The following DIAPH2 variants were observed in gnomAD, a reference collection of about 807,000 sequenced individuals.
DIAPH2 encodes the protein diaphanous related formin 2.
In DIAPH2, 35 loss-of-function variants were observed where a neutral mutation model predicts 92.7. That is an observed-to-expected ratio of 0.38 (90% confidence interval 0.29 to 0.50). The LOEUF is 0.50. Among genes scored for constraint, DIAPH2 ranks in the 20% least tolerant of loss-of-function variants. The pLI is 0.94. For synonymous variants in DIAPH2, 301 were observed against 280.4 expected (o/e 1.07, Z -0.73); for missense variants, 701 against 819.5 (o/e 0.86, Z 1.77).
intron 22 of DIAPH2, among the ~76,000 whole-genome samples, chrX:97,156,835 C>T (rs1398760927): frequency 9.0e-6 from 1 of 111,391 alleles, no homozygotes; most frequent in Non-Finnish European, 1.9e-5. Flanking sequence ...CTAGTATCAG[C>T]AGTGTCATAC....
intron 22 of DIAPH2, among the ~76,000 whole-genome samples, chrX:97,234,350 A>G (rs1215020544): frequency 9.7e-6 from 1 of 103,569 alleles, no homozygotes; most frequent in Non-Finnish European, 2.0e-5. Context: ...AAAAAAAAAG[A>G]AAAAAAGAAA....
At chrX:96,976,340 T>A (rs2065961939) in intron 17 of DIAPH2, among the ~76,000 whole-genome samples, 1 of 110,080 alleles carries the variant, frequency 9.1e-6, no homozygotes, top group African/African-American at 3.3e-5. Flanking sequence ...CAGGGTGATC[T>A]CAAACTTCTG....
At chrX:97,196,193 G>A (rs2067701779) in intron 22 of DIAPH2, among the ~76,000 whole-genome samples, 1 of 99,766 alleles carries the variant, frequency 1.0e-5, no homozygotes, top group Non-Finnish European at 2.0e-5. Flanking sequence ...CAGAGTTGTA[G>A]TGATACACAT....
chrX:97,225,602 A>G (rs1337374644), intron 22 of DIAPH2, among the ~76,000 whole-genome samples: 1 of 111,650 alleles, frequency 9.0e-6, no homozygotes, highest in Admixed American at 9.5e-5. Flanking sequence ...CTGCTCACTC[A>G]TATCCACTAG....
chrX:97,223,973 C>T (rs2067946070), intron 22 of DIAPH2, among the ~76,000 whole-genome samples: 1 of 111,572 alleles, frequency 9.0e-6, no homozygotes. Context: ...GTAGCATGTA[C>T]TCAGAAAAAG....
At chrX:96,811,019 T>C (rs1341449472) in intron 4 of DIAPH2, among the ~76,000 whole-genome samples, 1 of 111,946 alleles carries the variant, frequency 8.9e-6, no homozygotes. Context: ...TTTGGTTCCA[T>C]ATGAACTTTA....
intron 23 of DIAPH2, among the ~76,000 whole-genome samples, chrX:97,275,918 A>G (rs1204742285): frequency 8.9e-6 from 1 of 112,466 alleles, no homozygotes; most frequent in Non-Finnish European, 1.9e-5. Context: ...TTGGGAGGCC[A>G]AGGCAGGCGG....
chrX:97,544,857 CTT>C (rs944339795), intron 26 of DIAPH2, among the ~76,000 whole-genome samples: 5 of 111,595 alleles, frequency 4.5e-5, no homozygotes, highest in African/African-American at 1.6e-4. Flanking sequence ...AAAAAGTAAA[CTT>C]TTTTTAATGC....
chrX:97,211,842 G>C (rs1297534844), intron 22 of DIAPH2, among the ~76,000 whole-genome samples: 1 of 111,736 alleles, frequency 8.9e-6, no homozygotes, highest in East Asian at 2.8e-4. Flanking sequence ...GGGTTCGAAG[G>C]TTCTCACTTT....
intron 4 of DIAPH2, among the ~76,000 whole-genome samples, chrX:96,817,819 A>G (rs185326446): frequency 9.2e-6 from 1 of 108,512 alleles, no homozygotes; most frequent in African/African-American, 3.4e-5. Context: ...CCCCCCAATC[A>G]CATTGGGGGT....
At chrX:97,199,394 A>G (rs1488235345) in intron 22 of DIAPH2, among the ~76,000 whole-genome samples, 1 of 111,334 alleles carries the variant, frequency 9.0e-6, no homozygotes, top group Non-Finnish European at 1.9e-5. Context: ...ATGTATATGT[A>G]TATGTGTGTA....
At chrX:97,482,903 A>T (rs2070661230) in intron 26 of DIAPH2, among the ~76,000 whole-genome samples, 1 of 111,567 alleles carries the variant, frequency 9.0e-6, no homozygotes, top group Admixed American at 9.6e-5. Context: ...AGTTTTTAAG[A>T]GCAGAAAAAC....
chrX:97,526,322 G>A (rs192095529), intron 26 of DIAPH2, among the ~76,000 whole-genome samples: 268 of 111,202 alleles, frequency 2.4e-3, no homozygotes, highest in Non-Finnish European at 4.4e-3. Flanking sequence ...AGGTTGCTTC[G>A]AATGGTTATC....
intron 4 of DIAPH2, among the ~76,000 whole-genome samples, chrX:96,844,472 T>G (rs2064957802): frequency 8.9e-6 from 1 of 112,704 alleles, no homozygotes; most frequent in Admixed American, 9.4e-5. Context: ...TTAATATTCT[T>G]TACTAAGTCA....
chrX:97,334,472 A>ACAAAAAC (rs1556028858), intron 23 of DIAPH2, among the ~76,000 whole-genome samples: 7 of 84,445 alleles, frequency 8.3e-5, no homozygotes, highest in Admixed American at 1.5e-4. Context: ...CAAAAAAAAA[A>ACAAAAAC]AAAAAACAAA....
At chrX:97,139,363 T>A (rs2067194271) in intron 21 of DIAPH2, among the ~76,000 whole-genome samples, 1 of 107,922 alleles carries the variant, frequency 9.3e-6, no homozygotes, top group Admixed American at 1.0e-4. Context: ...CTAAGGCCTC[T>A]CACACATAGA....
At chrX:96,981,475 T>C in intron 17 of DIAPH2, among the ~76,000 whole-genome samples, 1 of 112,292 alleles carries the variant, frequency 8.9e-6, no homozygotes, top group African/African-American at 3.2e-5. Flanking sequence ...AAGATAAATA[T>C]ATATCACAGA....
intron 4 of DIAPH2, among the ~76,000 whole-genome samples, chrX:96,815,563 A>G (rs1027698269): frequency 1.8e-5 from 2 of 112,197 alleles, no homozygotes; most frequent in African/African-American, 6.5e-5. Context: ...AATGAGATGA[A>G]CCAGGTACCT....
intron 25 of DIAPH2, among the ~76,000 whole-genome samples, chrX:97,422,888 C>A (rs1227077449): frequency 8.9e-6 from 1 of 112,148 alleles, no homozygotes; most frequent in East Asian, 2.8e-4. Flanking sequence ...ACAAGTTAGC[C>A]TGCTGCAGTT....
Sources: gnomAD v4.1 joint callset for allele counts (sites outside exome capture counted in the v4.1 genomes callset) on GRCh38, gnomAD v4.1.1 for gene constraint, MANE v1.5 for transcripts, NCBI Gene and HGNC (gene_info 2026-07-23, HGNC 2026-07-21) for gene names.